The following GPLD1 variants were observed in gnomAD, a reference collection of about 807,000 sequenced individuals.
GPLD1 encodes the protein glycosylphosphatidylinositol specific phospholipase D1.
A neutral mutation model predicts 112.6 loss-of-function variants in GPLD1; 84 were observed. The observed-to-expected ratio is 0.75, with a 90% confidence interval of 0.63 to 0.89. The LOEUF (loss-of-function observed/expected upper bound fraction) is 0.89. Among genes scored for constraint, GPLD1 ranks in the 40% least tolerant of loss-of-function variants. GPLD1 has a pLI of 0.00. For missense variants in GPLD1, 1,044 were observed against 1,051.5 expected (o/e 0.99, Z 0.10); for synonymous variants, 386 against 403.8 (o/e 0.96, Z 0.53).
upstream of GPLD1, among the ~76,000 whole-genome samples, chr6:24,491,622 C>T (rs1020127134): frequency 2.6e-5 from 4 of 151,896 alleles, no homozygotes; most frequent in Non-Finnish European, 4.4e-5. Context: ...GCGGGAACAT[C>T]GCCTGTACCT....
upstream of GPLD1, among the ~76,000 whole-genome samples, chr6:24,491,005 G>A (rs537436702): frequency 2.5e-3 from 387 of 152,266 alleles, no homozygotes; most frequent in African/African-American, 8.9e-3. Flanking sequence ...TTTTCTAAAT[G>A]AGAAAATTCA....
At chr6:24,494,913 G>A (rs1426234759) in intron 1 of GPLD1, 5 of 1,232,634 alleles carry the variant, frequency 4.1e-6, no homozygotes, top group Non-Finnish European at 5.1e-6. Context: ...GCGCCTCCTC[G>A]CTCCTCTTGC....
chr6:24,485,251 A>G (rs1364556383), intron 2 of GPLD1, among the ~76,000 whole-genome samples: 1 of 152,218 alleles, frequency 6.6e-6, no homozygotes, highest in East Asian at 1.9e-4. Flanking sequence ...AAAACAAAAA[A>G]GATGGGCCAG....
At chr6:24,466,600 T>G (rs1381420879) in intron 10 of GPLD1, 80 bp downstream of exon 10, 2 of 1,184,834 alleles carry the variant, frequency 1.7e-6, no homozygotes, top group African/African-American at 3.0e-5. Flanking sequence ...TGTGATCAGT[T>G]GAAAAACCTG....
At chr6:24,483,913 T>A (rs1208999370) in intron 2 of GPLD1, among the ~76,000 whole-genome samples, 1 of 151,430 alleles carries the variant, frequency 6.6e-6, no homozygotes, top group African/African-American at 2.4e-5. Context: ...TGTTTTGTTT[T>A]GTTTTGTTTT....
At chr6:24,477,089 G>A (rs1033101146) in intron 3 of GPLD1, among the ~76,000 whole-genome samples, 2 of 151,444 alleles carry the variant, frequency 1.3e-5, no homozygotes, top group Non-Finnish European at 2.9e-5. Context: ...AGTTTTCCTA[G>A]AGATAAAGCT....
intron 7 of GPLD1, among the ~76,000 whole-genome samples, chr6:24,470,688 T>G (rs1434706916): frequency 1.3e-5 from 2 of 152,214 alleles, no homozygotes; most frequent in Non-Finnish European, 2.9e-5. Flanking sequence ...AACCTCCGCC[T>G]CCCAGGTTCA....
intron 7 of GPLD1, among the ~76,000 whole-genome samples, chr6:24,469,885 A>G (rs1763740617): frequency 1.3e-5 from 2 of 152,206 alleles, no homozygotes; most frequent in Admixed American, 6.5e-5. Context: ...TGAGAGACTC[A>G]TTTTTTATTT....
At chr6:24,425,233 T>G (rs1762192886), downstream of GPLD1, 1 of 152,222 alleles carries the variant, frequency 6.6e-6, no homozygotes, top group Non-Finnish European at 1.5e-5. Context: ...CACTGTAAAA[T>G]ACATAATAAG....
chr6:24,468,557 TTTTA>T (rs1486884037), intron 7 of GPLD1, among the ~76,000 whole-genome samples: 1 of 142,946 alleles, frequency 7.0e-6, no homozygotes, highest in East Asian at 2.0e-4. Flanking sequence ...ATTTTTTTAT[TTTTA>T]TTTTTTTTTT....
At chr6:24,441,968 T>C (rs911500319) in intron 20 of GPLD1, among the ~76,000 whole-genome samples, 16 of 148,654 alleles carry the variant, frequency 1.1e-4, no homozygotes, top group Non-Finnish European at 2.1e-4. Context: ...TATATAGTTA[T>C]ATATACATTC....
At chr6:24,473,737 G>C (rs1561852142) in intron 5 of GPLD1, 70 bp from the exon 6 acceptor site, 1 of 995,628 alleles carries the variant, frequency 1.0e-6, no homozygotes, top group Middle Eastern at 2.1e-4. Flanking sequence ...CCACAGTCAA[G>C]CAAGTGGTGG....
intron 3 of GPLD1, among the ~76,000 whole-genome samples, chr6:24,478,103 C>T (rs556937877): frequency 7.9e-5 from 12 of 152,228 alleles, no homozygotes; most frequent in African/African-American, 2.9e-4. Flanking sequence ...CTAAAAATGG[C>T]GTACATTAAG....
At chr6:24,482,220 C>T (rs1206641309) in intron 2 of GPLD1, among the ~76,000 whole-genome samples, 3 of 151,494 alleles carry the variant, frequency 2.0e-5, no homozygotes, top group African/African-American at 7.3e-5. Context: ...CCTGCCTCGG[C>T]CTTCTGAGTA....
intron 10 of GPLD1, among the ~76,000 whole-genome samples, chr6:24,464,256 T>C (rs1387773887): frequency 6.6e-6 from 1 of 152,218 alleles, no homozygotes; most frequent in Non-Finnish European, 1.5e-5. Flanking sequence ...GTAAAAATAG[T>C]ATTGCTGTCC....
intron 20 of GPLD1, among the ~76,000 whole-genome samples, chr6:24,442,656 G>A (rs1035732911): frequency 2.2e-4 from 34 of 151,802 alleles, no homozygotes; most frequent in Non-Finnish European, 4.0e-4. Flanking sequence ...GTGTTAGCCA[G>A]GATGGTCTCG....
rs1344681230 is a variant in GPLD1, at chr6:24,427,818, C to G, written c.*1214G>C. Among the ~76,000 whole-genome samples the G allele has an allele frequency of 1.5e-5, 2 of 130,454 alleles. No individual in the cohort carries two copies. Among genetic ancestry groups the G allele is most frequent in the African/African-American group, 2.9e-5 (1 of 33,994 alleles). The allele number at this position is 130,454 out of a possible 152,430, so 85.6% of individuals were successfully genotyped here. On this transcript the variant is annotated 3_prime_UTR_variant, in exon 25 of 25. Transcript: ENST00000230036. Reference sequence around the variant, plus strand: ...CTGAGATCACATCACTGCACTCCAGCCTGGGCAACAGAGCAAGACTCCGTC... The same window carrying G: ...CTGAGATCACATCACTGCACTCCAGGCTGGGCAACAGAGCAAGACTCCGTC...
chr6:24,436,880 G>T, intron 21 of GPLD1, 144 bp from the exon 22 acceptor site: 1 of 862,558 alleles, frequency 1.2e-6, no homozygotes, highest in Non-Finnish European at 1.8e-6. Flanking sequence ...CCTGGCAAAG[G>T]CTTTTGTTTC....
rs146131667 is a variant in GPLD1 at position 24,476,063 on chromosome 6, G to A, written c.330+118C>T. On this transcript the variant is annotated intron_variant, in intron 4 of 24. Transcript: ENST00000230036. Reference sequence around the variant, plus strand: ...ATGTCCAAGCAATGTGCATGACACTGAAGGTGGAATGGTGGGCAGCCCTTA... The same window carrying A: ...ATGTCCAAGCAATGTGCATGACACTAAAGGTGGAATGGTGGGCAGCCCTTA... 4.9e-3 allele frequency: 3,036 copies of A among 617,140 alleles called. 14 individuals carry two copies. Among genetic ancestry groups the A allele is most frequent in the Middle Eastern group, 0.011 (26 of 2,366 alleles). The allele number at this position is 617,140 out of a possible 1,614,324, so 38.2% of individuals were successfully genotyped here. A position where few individuals can be genotyped will look rare whatever the true frequency, so the allele number is the denominator to read the frequency against.
Sources: allele counts gnomAD v4.1 joint callset (sites outside exome capture counted in the v4.1 genomes callset), GRCh38; gene constraint gnomAD v4.1.1; transcripts MANE v1.5; gene names NCBI Gene and HGNC (gene_info 2026-07-23, HGNC 2026-07-21).